SSBP2: variants seen among roughly 807,000 people sequenced by gnomAD.
SSBP2 encodes single stranded DNA binding protein 2.
Under a neutral mutation model 61.8 loss-of-function variants are expected in SSBP2, and 17 were observed. The observed-to-expected ratio is 0.28, with a 90% CI of 0.19 to 0.41. SSBP2 has a LOEUF of 0.41. Among genes scored for constraint, SSBP2 ranks in the 10% least tolerant of loss-of-function variants. The pLI is 1.00. For synonymous variants in SSBP2, 139 were observed against 141.3 expected (o/e 0.98, Z 0.12); for missense variants, 310 against 458.7 (o/e 0.68, Z 2.96).
chr5:81,717,112 C>T (rs932863256), intron 1 of SSBP2, among the ~76,000 whole-genome samples: 3 of 151,914 alleles, frequency 2.0e-5, no homozygotes, highest in African/African-American at 7.3e-5. Context: ...GGGTCTTCTC[C>T]CAATCCTGTA....
chr5:81,603,713 C>A (rs1744603313), intron 4 of SSBP2, among the ~76,000 whole-genome samples: 1 of 152,116 alleles, frequency 6.6e-6, no homozygotes, highest in South Asian at 2.1e-4. Flanking sequence ...TTAAAAGATA[C>A]TAGAAAATTA....
intron 5 of SSBP2, among the ~76,000 whole-genome samples, chr5:81,511,325 G>A (rs1004581693): frequency 6.6e-6 from 1 of 152,042 alleles, no homozygotes; most frequent in African/African-American, 2.4e-5. Flanking sequence ...CGAGGGCAGG[G>A]ATTTTGTATA....
At chr5:81,531,772 A>G (rs1444707179) in intron 4 of SSBP2, among the ~76,000 whole-genome samples, 1 of 152,024 alleles carries the variant, frequency 6.6e-6, no homozygotes, top group Admixed American at 6.6e-5. Context: ...GAAAGAGTGC[A>G]AGAGAAAGAT....
intron 4 of SSBP2, among the ~76,000 whole-genome samples, chr5:81,553,090 T>C (rs1384450418): frequency 1.3e-5 from 2 of 152,090 alleles, no homozygotes; most frequent in Non-Finnish European, 2.9e-5. Context: ...CCCTAACAAT[T>C]GTCCATTGTC....
At chr5:81,607,545 G>C (rs554788144) in intron 4 of SSBP2, among the ~76,000 whole-genome samples, 5 of 152,222 alleles carry the variant, frequency 3.3e-5, no homozygotes, top group South Asian at 2.1e-4. Context: ...ATACATGCTT[G>C]CTAAAACATA....
intron 1 of SSBP2, among the ~76,000 whole-genome samples, chr5:81,668,208 A>G (rs2153776188): frequency 6.8e-6 from 1 of 147,588 alleles, no homozygotes; most frequent in Non-Finnish European, 1.5e-5. Context: ...TCAATTCAGC[A>G]CTACCCAGTA....
chr5:81,726,624 T>C (rs1398190437), intron 1 of SSBP2, among the ~76,000 whole-genome samples: 1 of 152,182 alleles, frequency 6.6e-6, no homozygotes, highest in African/African-American at 2.4e-5. Context: ...TTAAATTCTA[T>C]ATAGTTTATA....
At chr5:81,501,268 T>TATATACAC (rs1205403428) in intron 5 of SSBP2, among the ~76,000 whole-genome samples, 5 of 35,766 alleles carry the variant, frequency 1.4e-4, no homozygotes, top group Admixed American at 3.4e-4. Context: ...TATATATATA[T>TATATACAC]ACACACACAC....
chr5:81,585,300 T>C (rs1479640110), intron 4 of SSBP2, among the ~76,000 whole-genome samples: 1 of 152,052 alleles, frequency 6.6e-6, no homozygotes, highest in African/African-American at 2.4e-5. Context: ...TTAATTCCAG[T>C]CTCCTCCTGA....
chr5:81,536,612 T>A (rs1480073439), intron 4 of SSBP2, among the ~76,000 whole-genome samples: 5 of 152,128 alleles, frequency 3.3e-5, no homozygotes, highest in African/African-American at 7.2e-5. Flanking sequence ...ACATAGATGT[T>A]TACAGTAGCT....
intron 1 of SSBP2, among the ~76,000 whole-genome samples, chr5:81,713,511 G>T (rs190748027): frequency 1.3e-5 from 2 of 152,100 alleles, no homozygotes; most frequent in Non-Finnish European, 2.9e-5. Flanking sequence ...AATCACTGCA[G>T]GGTTATACCC....
intron 10 of SSBP2, among the ~76,000 whole-genome samples, chr5:81,455,862 T>C (rs1054395595): frequency 1.3e-5 from 2 of 152,172 alleles, no homozygotes; most frequent in African/African-American, 4.8e-5. Flanking sequence ...AAAACTGTGA[T>C]GAGAATCCAA....
rs116146760 is a variant in SSBP2 at position 81,486,534 on chromosome 5, G to T, written c.432+2716C>A. Among the ~76,000 whole-genome samples the T allele has an allele frequency of 3.9e-3, 591 of 152,060 alleles. 2 individuals carry two copies. The highest frequency in any genetic ancestry group is 0.013 in the African/African-American group (545 of 41,480). On this transcript the variant is annotated intron_variant, in intron 6 of 16. Transcript: ENST00000320672. The stretch of plus-strand genomic sequence containing the variant: ...ATTTCCCTAATTCAGATATTTAGGC[G>T]CTTCCTAGACTTATATAATATACAA...
rs1400965010 is a variant in SSBP2 at position 81,491,871 on chromosome 5, T to C, written c.373-2562A>G. 5.9e-5 allele frequency among the ~76,000 whole-genome samples: 9 copies of C among 152,340 alleles called. No homozygotes were observed. The South Asian group carries it at 1.9e-3, about 32-fold the overall frequency. ...AGTATTTTTAACACAAAATTAGTGC[T>C]GTTATAACATGGCTTAGTATTCAGA... is the stretch of plus-strand genomic sequence containing the variant. On this transcript the variant is annotated intron_variant, in intron 5 of 16. Coordinates refer to ENST00000320672, the MANE Select transcript of SSBP2 (RefSeq NM_012446.5).
chr5:81,448,327 A>G (rs555876772), intron 11 of SSBP2, among the ~76,000 whole-genome samples: 82 of 152,190 alleles, frequency 5.4e-4, no homozygotes, highest in Non-Finnish European at 1.0e-3. Flanking sequence ...TCTCAATTTC[A>G]AAGAACAACC....
intron 10 of SSBP2, 94 bp downstream of exon 10, chr5:81,460,961 C>G (rs909256196): frequency 1.5e-6 from 1 of 678,952 alleles, no homozygotes; most frequent in Admixed American, 4.1e-5. Flanking sequence ...TTACTACAAC[C>G]AATTGCAAAG....
chr5:81,526,365 G>A (rs549090130), intron 4 of SSBP2, among the ~76,000 whole-genome samples: 2 of 151,966 alleles, frequency 1.3e-5, no homozygotes, highest in East Asian at 1.9e-4. Flanking sequence ...CTATCTCATA[G>A]TTTTTACTAT....
chr5:81,710,142 G>A (rs115652813), intron 1 of SSBP2, among the ~76,000 whole-genome samples: 3,572 of 152,058 alleles, frequency 0.023, 118 homozygotes, highest in African/African-American at 0.08. Flanking sequence ...ACTTCACTTG[G>A]TCCCACTGCC....
intron 4 of SSBP2, among the ~76,000 whole-genome samples, chr5:81,524,234 T>C (rs182810916): frequency 6.6e-6 from 1 of 152,130 alleles, no homozygotes; most frequent in Admixed American, 6.6e-5. Flanking sequence ...CTGTGAAGCT[T>C]AGGGCACCCC....
Sources: gnomAD v4.1 joint callset for allele counts (sites outside exome capture counted in the v4.1 genomes callset) on GRCh38, gnomAD v4.1.1 for gene constraint, MANE v1.5 for transcripts, NCBI Gene and HGNC (gene_info 2026-07-23, HGNC 2026-07-21) for gene names.